CCDC63: variants seen among roughly 807,000 people sequenced by gnomAD.
The protein encoded by CCDC63 is coiled-coil domain containing 63, also known as coiled-coil domain-containing protein 63.
Under a neutral mutation model 63.6 loss-of-function variants are expected in CCDC63, and 54 were observed. That is an observed-to-expected ratio of 0.85 (90% CI 0.68 to 1.07). CCDC63 has a LOEUF of 1.07. Ranked by LOEUF, CCDC63 falls within the 50% of genes least tolerant of loss-of-function variation. The probability of loss-of-function intolerance (pLI) is 0.00; values close to 1 mark genes in which losing one functional copy is unlikely to be tolerated. For synonymous variants in CCDC63, 253 were observed against 266.1 expected (o/e 0.95, Z 0.48); for missense variants, 637 against 689.6 (o/e 0.92, Z 0.86).
chr12:110,876,013 G>A (rs1166464345), intron 5 of CCDC63, among the ~76,000 whole-genome samples: 1 of 151,714 alleles, frequency 6.6e-6, no homozygotes, highest in Non-Finnish European at 1.5e-5. Context: ...GGCTGAGGCA[G>A]GAGAATTGCT....
At chr12:110,853,791 G>T (rs1239711790) in intron 3 of CCDC63, among the ~76,000 whole-genome samples, 1 of 152,150 alleles carries the variant, frequency 6.6e-6, no homozygotes, top group Non-Finnish European at 1.5e-5. Flanking sequence ...CAGAATGCAG[G>T]GTGTTTTGGG....
chr12:110,865,469 A>AAC (rs2136665353), intron 4 of CCDC63, among the ~76,000 whole-genome samples: 1 of 147,826 alleles, frequency 6.8e-6, no homozygotes, highest in Non-Finnish European at 1.5e-5. Context: ...TATACCAAAA[A>AAC]AAAAAAAAAA....
At chr12:110,857,280 C>A (rs569291907) in intron 3 of CCDC63, among the ~76,000 whole-genome samples, 7 of 151,690 alleles carry the variant, frequency 4.6e-5, no homozygotes, top group African/African-American at 1.5e-4. Context: ...CGCCCACCAC[C>A]CCCCCCGGCT....
intron 10 of CCDC63, among the ~76,000 whole-genome samples, chr12:110,902,878 C>T (rs1005413323): frequency 9.9e-5 from 14 of 141,024 alleles, no homozygotes; most frequent in South Asian, 4.7e-4. Context: ...ACACCACGCC[C>T]GGCTAATTTT....
rs116589141 is a variant in CCDC63 at position 110,898,984 on chromosome 12, G to C, written c.1201G>C (p.Gly401Arg). Residue 401 changes from glycine to arginine, a missense_variant, in exon 10 of 12, where the codon GGG (glycine) becomes CGG (arginine). Physicochemically the swap from Gly to Arg is moderately radical, Grantham distance 125. Coordinates refer to ENST00000308208, the MANE Select transcript of CCDC63 (RefSeq NM_152591.3). ...GGCAGATATGTATGAGAGCAAGTAC[G>C]GGGAGGTCAGCAAGACCTTGGATCT... ...EEADMYESKYGEVSKTLDLLK... is the reference protein window; with the variant it reads ...EEADMYESKYREVSKTLDLLK... 3 of 1,613,012 alleles carry C rather than the reference G, an allele frequency of 1.9e-6. No homozygotes were observed. The highest frequency in any genetic ancestry group is 1.7e-4 in the Middle Eastern group (1 of 6,060).
intron 8 of CCDC63, 46 bp downstream of exon 8, chr12:110,884,296 A>G (rs779500576): frequency 6.6e-7 from 1 of 1,524,042 alleles, no homozygotes; most frequent in Middle Eastern, 2.0e-4. Flanking sequence ...CTGTGTCCAC[A>G]GCAGCCTTTC....
chr12:110,904,761 G>T lies in CCDC63; in HGVS notation c.1516G>T (p.Ala506Ser), dbSNP rs748821671. 29 of 1,612,286 alleles carry T rather than the reference G, an allele frequency of 1.8e-5. No individual in the cohort carries two copies. In the East Asian group the frequency reaches 4.9e-4, roughly 27 times the overall value. Residue 506 changes from alanine (A) to serine (S), a missense_variant, in exon 11 of 12, where the codon GCT becomes TCT. Physicochemically the swap from Ala to Ser is moderately conservative, Grantham distance 99. Transcript: ENST00000308208. ...CAAAGTCATCCCCCCAGTGCTGGGG[G>T]CTGACCCCTTCAGCGACAGGTTGGA... Reference protein sequence around the residue: ...PIKVIPPVLGADPFSDRLDDV... With the variant: ...PIKVIPPVLGSDPFSDRLDDV...
rs747278168 is a variant in CCDC63 at position 110,898,952 on chromosome 12, C to T, written c.1169C>T (p.Thr390Met). The change falls in exon 10 of 12, where the codon ACG becomes ATG. Residue 390 changes from threonine (T) to methionine (M), a missense_variant. Physicochemically the swap from Thr to Met is moderately conservative, Grantham distance 81. Transcript: ENST00000308208. The stretch of plus-strand genomic sequence containing the variant: ...CACCAGGATAAACTGAGGAAGACCA[C>T]GGAGGAGGCAGATATGTATGAGAGC... ...RQLEDKLRKT[T>M]EEADMYESKY... is the part of the protein sequence containing the mutation. The T allele has an allele frequency of 3.4e-5, 55 of 1,605,332 alleles. No individual in the cohort carries two copies. Among genetic ancestry groups the T allele is most frequent in the East Asian group, 9.0e-5 (4 of 44,438 alleles).
intron 3 of CCDC63, among the ~76,000 whole-genome samples, chr12:110,853,901 C>G (rs1472383994): frequency 6.6e-6 from 1 of 152,228 alleles, no homozygotes; most frequent in Non-Finnish European, 1.5e-5. Flanking sequence ...TGTTCTCTCT[C>G]TCTCTGAATT....
intron 9 of CCDC63, among the ~76,000 whole-genome samples, 162 bp downstream of exon 9, chr12:110,893,312 A>G (rs537927548): frequency 2.5e-4 from 38 of 152,298 alleles, no homozygotes; most frequent in African/African-American, 7.7e-4. Context: ...TCACATCCAG[A>G]CATGTCCTGA....
chr12:110,858,267 A>G (rs576892410), intron 3 of CCDC63, among the ~76,000 whole-genome samples: 47 of 152,278 alleles, frequency 3.1e-4, no homozygotes, highest in Middle Eastern at 6.8e-3. Context: ...GACAGGTGCC[A>G]GGGAGTTGCT....
At chr12:110,901,735 T>C (rs147876267) in intron 10 of CCDC63, among the ~76,000 whole-genome samples, 1 of 152,184 alleles carries the variant, frequency 6.6e-6, no homozygotes, top group Non-Finnish European at 1.5e-5. Context: ...TCCAGTTCCA[T>C]CCATGTTGTT....
At chr12:110,888,854 C>T (rs368085698) in intron 8 of CCDC63, among the ~76,000 whole-genome samples, 12 of 66,194 alleles carry the variant, frequency 1.8e-4, no homozygotes, top group South Asian at 5.1e-4. Flanking sequence ...TCCTTCCTTC[C>T]TTCCTTCGTT....
chr12:110,846,448 G>A (rs1279384095), upstream of CCDC63, among the ~76,000 whole-genome samples: 2 of 152,066 alleles, frequency 1.3e-5, no homozygotes, highest in Admixed American at 6.6e-5. Context: ...AGTGGGTGGG[G>A]GTCAGGTGGA....
In CCDC63 at chr12:110,907,228, C is replaced by A; in HGVS notation, c.1547-103C>A. On this transcript the variant is annotated intron_variant, in intron 11 of 11. Transcript: ENST00000308208. The surrounding 1 kb of genome is among the most constrained non-coding windows in gnomAD (Gnocchi z 4.4). ...CCCCCTCCTTGAAACCTGAGAATTTCCATGCTCCACTCCCCAGTGCTATGG... is the reference window on the plus strand; with the variant it reads ...CCCCCTCCTTGAAACCTGAGAATTTACATGCTCCACTCCCCAGTGCTATGG... The A allele has an allele frequency of 9.0e-7, 1 of 1,117,038 alleles. No individual in the cohort carries two copies. Among genetic ancestry groups the A allele is most frequent in the Non-Finnish European group, 1.2e-6 (1 of 800,718 alleles). 69.2% of individuals were successfully genotyped at this position (1,117,038 alleles called of 1,614,324 possible).
rs2071173539 is a variant in CCDC63 at position 110,879,756 on chromosome 12, G to T, written c.490-150G>T. 11 of 713,092 alleles carry T rather than the reference G, an allele frequency of 1.5e-5. No homozygotes were observed. In the South Asian group the frequency reaches 1.8e-4, roughly 12 times the overall value. The allele number at this position is 713,092 out of a possible 1,614,324, so 44.2% of individuals were successfully genotyped here. ...TGGGCCACTCAACTGGCTCCAACCA[G>T]TTGAGCCTCTTGCCTACTGCTCCAA... is the stretch of plus-strand genomic sequence containing the variant. On this transcript the variant is annotated intron_variant, in intron 5 of 11. Transcript: ENST00000308208.
At chr12:110,875,274 A>G (rs1201010527) in intron 5 of CCDC63, among the ~76,000 whole-genome samples, 1 of 152,222 alleles carries the variant, frequency 6.6e-6, no homozygotes, top group Non-Finnish European at 1.5e-5. Flanking sequence ...TCCAGGGCTT[A>G]GATTTGGGCA....
chr12:110,855,957 C>A (rs1249198729), intron 3 of CCDC63, among the ~76,000 whole-genome samples: 1 of 152,170 alleles, frequency 6.6e-6, no homozygotes, highest in African/African-American at 2.4e-5. Flanking sequence ...CCCTGGCTTA[C>A]AACATTCAGG....
At position 110,853,704 on chromosome 12, in the gene CCDC63, C is replaced by T. The variant is rs1234591549; in HGVS notation, c.179+130C>T. On this transcript the variant is annotated intron_variant, in intron 3 of 11. Transcript: ENST00000308208. ...CCTCTGAGCCCCATTGGAGGATCCA[C>T]GGTCTTTTATCTGCAGAGCCTAGTT... The T allele has an allele frequency of 8.4e-6, 8 of 947,724 alleles. No homozygotes were observed. The Admixed American group carries it at 1.0e-4, about 12-fold the overall frequency. 58.7% of individuals were successfully genotyped at this position (947,724 alleles called of 1,614,324 possible).
Sources: gnomAD v4.1 joint callset for allele counts (sites outside exome capture counted in the v4.1 genomes callset) on GRCh38, gnomAD v4.1.1 for gene constraint, Gnocchi (gnomAD v3.1) non-coding constraint, MANE v1.5 for transcripts, NCBI Gene and HGNC (gene_info 2026-07-23, HGNC 2026-07-21) for gene names.